GRM8: variants seen among roughly 807,000 people sequenced by gnomAD.
GRM8 encodes glutamate metabotropic receptor 8, also known as metabotropic glutamate receptor 8.
A neutral mutation model predicts 87.2 loss-of-function variants in GRM8; 47 were observed. The ratio of observed to expected loss-of-function variants is 0.54; its 90% CI spans 0.43 to 0.69. The LOEUF is 0.69. Ranked by LOEUF, GRM8 falls within the 30% of genes least tolerant of loss-of-function variation. The pLI is 0.00. For missense variants in GRM8, 1,019 were observed against 1,139.2 expected (o/e 0.89, Z 1.52); for synonymous variants, 396 against 404.5 (o/e 0.98, Z 0.25).
chr7:126,615,606 C>T (rs144146779), intron 7 of GRM8, among the ~76,000 whole-genome samples: 1 of 152,110 alleles, frequency 6.6e-6, no homozygotes, highest in Non-Finnish European at 1.5e-5. Flanking sequence ...CAAGACTGAT[C>T]AGAGTGCTGT....
chr7:127,066,843 G>A lies in GRM8; in HGVS notation c.727+39653C>T, dbSNP rs560305132. 5.3e-5 allele frequency among the ~76,000 whole-genome samples: 8 copies of A among 152,020 alleles called. No homozygotes were observed. In the South Asian group the frequency reaches 6.2e-4, roughly 12 times the overall value. ...TAGCCTCTGCTCTACTTTTTTCTTCGATTAGATGAATCATTTAGCTTCCAC... is the reference window on the plus strand; with the variant it reads ...TAGCCTCTGCTCTACTTTTTTCTTCAATTAGATGAATCATTTAGCTTCCAC... On this transcript the variant is annotated intron_variant, in intron 3 of 10. Coordinates refer to ENST00000339582, the MANE Select transcript of GRM8 (RefSeq NM_000845.3).
intron 7 of GRM8, among the ~76,000 whole-genome samples, chr7:126,632,506 A>G (rs1035163746): frequency 4.6e-5 from 7 of 152,188 alleles, no homozygotes; most frequent in African/African-American, 1.7e-4. Context: ...CAGAAATACC[A>G]TTTGACCCAG....
At chr7:126,629,286 T>G (rs6467093) in intron 7 of GRM8, among the ~76,000 whole-genome samples, 2,370 of 152,336 alleles carry the variant, frequency 0.016, 47 homozygotes, top group African/African-American at 0.042. Context: ...AAACTATAAC[T>G]GTGTGGGATT....
chr7:126,474,570 C>A (rs544568270), intron 9 of GRM8, among the ~76,000 whole-genome samples: 107 of 152,248 alleles, frequency 7.0e-4, no homozygotes, highest in Non-Finnish European at 1.2e-3. Flanking sequence ...AACCTACATG[C>A]ATTTTTAATC....
chr7:126,895,288 T>C (rs954936773), intron 6 of GRM8, among the ~76,000 whole-genome samples: 1 of 152,112 alleles, frequency 6.6e-6, no homozygotes, highest in Admixed American at 6.6e-5. Context: ...AGTTTATCAG[T>C]AACCTTTAGC....
At chr7:126,931,707 A>G (rs1158419624) in intron 3 of GRM8, among the ~76,000 whole-genome samples, 1 of 152,192 alleles carries the variant, frequency 6.6e-6, no homozygotes, top group Non-Finnish European at 1.5e-5. Flanking sequence ...CTTCATAGGA[A>G]GAAAAACACA....
intron 7 of GRM8, among the ~76,000 whole-genome samples, chr7:126,621,562 G>A (rs539755584): frequency 1.2e-4 from 18 of 151,988 alleles, no homozygotes; most frequent in Non-Finnish European, 1.9e-4. Context: ...GGGATTACAG[G>A]CATGTGCCAC....
At chr7:126,791,807 G>C (rs1213746673) in intron 6 of GRM8, among the ~76,000 whole-genome samples, 6 of 152,038 alleles carry the variant, frequency 3.9e-5, no homozygotes, top group Non-Finnish European at 7.4e-5. Flanking sequence ...TTTTAATCAG[G>C]CTATTAATCT....
chr7:126,583,941 T>C (rs185959462), intron 8 of GRM8, among the ~76,000 whole-genome samples: 2 of 152,328 alleles, frequency 1.3e-5, no homozygotes, highest in East Asian at 3.9e-4. Flanking sequence ...CAGTATCATA[T>C]GCTGCAGATA....
At chr7:126,695,106 T>C (rs998995590) in intron 7 of GRM8, among the ~76,000 whole-genome samples, 3 of 152,144 alleles carry the variant, frequency 2.0e-5, no homozygotes, top group African/African-American at 7.2e-5. Context: ...AGAGGAGGAA[T>C]AGAGATGGGA....
intron 7 of GRM8, among the ~76,000 whole-genome samples, chr7:126,670,725 G>A (rs1806283399): frequency 6.6e-6 from 1 of 152,188 alleles, no homozygotes; most frequent in South Asian, 2.1e-4. Flanking sequence ...CAAAACAAGA[G>A]TTAAGTAAAT....
intron 9 of GRM8, among the ~76,000 whole-genome samples, chr7:126,474,313 G>C (rs1423199843): frequency 1.3e-5 from 2 of 151,934 alleles, no homozygotes; most frequent in South Asian, 4.1e-4. Flanking sequence ...CTGTCACCCA[G>C]CCTAGAGTGC....
chr7:126,959,462 T>C (rs1182322986), intron 3 of GRM8, among the ~76,000 whole-genome samples: 2 of 152,174 alleles, frequency 1.3e-5, no homozygotes, highest in African/African-American at 4.8e-5. Flanking sequence ...ATAATAACAC[T>C]GTACAGGGTT....
intron 6 of GRM8, among the ~76,000 whole-genome samples, chr7:126,836,713 G>C (rs1245249458): frequency 1.3e-5 from 2 of 152,126 alleles, no homozygotes; most frequent in African/African-American, 4.8e-5. Context: ...TGAATCAGGT[G>C]CTCTATTTTC....
intron 2 of GRM8, among the ~76,000 whole-genome samples, chr7:127,166,302 C>T (rs17869661): frequency 6.6e-6 from 1 of 152,090 alleles, no homozygotes. Flanking sequence ...TCTTTATGCA[C>T]AAGGCCCCAG....
At chr7:127,083,216 TCA>T (rs1376856579) in intron 3 of GRM8, among the ~76,000 whole-genome samples, 1 of 152,216 alleles carries the variant, frequency 6.6e-6, no homozygotes, top group East Asian at 1.9e-4. Flanking sequence ...TTTGTTTTCC[TCA>T]CTTTCGTTGA....
At position 126,621,011 on chromosome 7, in the gene GRM8, A is replaced by C. The variant is rs561929049; in HGVS notation, c.1358-11513T>G. 7.9e-4 allele frequency among the ~76,000 whole-genome samples: 121 copies of C among 152,328 alleles called. 3 individuals are homozygous for C. The South Asian group carries it at 0.023, about 29-fold the overall frequency. On this transcript the variant is annotated intron_variant, in intron 7 of 10. Coordinates refer to ENST00000339582, the MANE Select transcript of GRM8 (RefSeq NM_000845.3). Reference sequence around the variant, plus strand: ...CAGGAAAAAAATAAGAAAGCTAGAAATGAAATGGGTTAATTTAGTAATTTT... The same window carrying C: ...CAGGAAAAAAATAAGAAAGCTAGAACTGAAATGGGTTAATTTAGTAATTTT...
intron 2 of GRM8, among the ~76,000 whole-genome samples, chr7:127,161,298 G>GA (rs1290996080): frequency 1.1e-4 from 16 of 152,190 alleles, no homozygotes; most frequent in Admixed American, 5.9e-4. Flanking sequence ...TCAAGATTTA[G>GA]AAAAAACAAG....
chr7:126,557,598 G>C (rs1452444822), intron 8 of GRM8, among the ~76,000 whole-genome samples: 1 of 152,152 alleles, frequency 6.6e-6, no homozygotes, highest in Non-Finnish European at 1.5e-5. Flanking sequence ...TGTGAGTAAA[G>C]AATTAAAATA....
Sources: allele counts gnomAD v4.1 joint callset (sites outside exome capture counted in the v4.1 genomes callset), GRCh38; gene constraint gnomAD v4.1.1; transcripts MANE v1.5; gene names NCBI Gene and HGNC (gene_info 2026-07-23, HGNC 2026-07-21).